Variants in PCDHA11 observed in about 807,000 individuals in gnomAD.
PCDHA11 encodes the protein protocadherin alpha-11.
PCDHA11 carries 61 observed loss-of-function variants against 70.3 expected under a neutral mutation model. That is an observed-to-expected ratio of 0.87 (90% confidence interval 0.71 to 1.07). The LOEUF is 1.07. PCDHA11 is among the 50% of genes least tolerant of loss of function. The pLI, the probability that PCDHA11 is intolerant of heterozygous loss-of-function variation, is 0.00. For synonymous variants in PCDHA11, 633 were observed against 555.1 expected (o/e 1.14, Z -1.97); for missense variants, 1,324 against 1,237.5 (o/e 1.07, Z -1.05).
intron 1 of PCDHA11, chr5:140,968,520 C>A: frequency 6.2e-7 from 1 of 1,614,194 alleles, no homozygotes; most frequent in Non-Finnish European, 8.5e-7. Flanking sequence ...CCTACCTCAA[C>A]CAACTCGTCA....
At chr5:140,966,679 G>A (rs1554228549) in intron 1 of PCDHA11, 1 of 1,317,562 alleles carries the variant, frequency 7.6e-7, no homozygotes, top group Non-Finnish European at 9.8e-7. Flanking sequence ...AGGGTGGCAC[G>A]AGCGGAGGCG....
intron 1 of PCDHA11, among the ~76,000 whole-genome samples, chr5:140,954,686 G>T (rs962904413): frequency 6.6e-6 from 1 of 152,024 alleles, no homozygotes; most frequent in African/African-American, 2.4e-5. Context: ...TTGTCAGATG[G>T]ATAGACTACA....
chr5:141,001,867 A>C (rs2153971805), intron 3 of PCDHA11, among the ~76,000 whole-genome samples: 1 of 152,348 alleles, frequency 6.6e-6, no homozygotes, highest in Admixed American at 6.5e-5. Context: ...ATTGATGCCC[A>C]AAACCAAGAA....
intron 1 of PCDHA11, among the ~76,000 whole-genome samples, chr5:140,917,503 T>G (rs1423295268): frequency 6.6e-6 from 1 of 152,208 alleles, no homozygotes; most frequent in African/African-American, 2.4e-5. Flanking sequence ...AGAATGATAT[T>G]TTCTAGGTTT....
intron 1 of PCDHA11, chr5:140,927,385 C>G: frequency 6.2e-7 from 1 of 1,614,098 alleles, no homozygotes; most frequent in East Asian, 2.2e-5. Flanking sequence ...CAGCCTAAGC[C>G]CCAGTCAGCA....
At chr5:140,877,080 C>T in intron 1 of PCDHA11, 2 of 1,613,062 alleles carry the variant, frequency 1.2e-6, no homozygotes, top group East Asian at 2.2e-5. Context: ...TCCAGGTGAG[C>T]GCGCGCGACG....
chr5:140,964,785 C>G (rs890090665), intron 1 of PCDHA11, among the ~76,000 whole-genome samples: 40 of 151,526 alleles, frequency 2.6e-4, no homozygotes, highest in African/African-American at 9.7e-4. Context: ...GAGGAAGAAG[C>G]CAGAGACCCA....
At position 140,993,462 on chromosome 5, in the gene PCDHA11, TCACACACACACACACACACA is replaced by T. The variant is rs3836747; in HGVS notation, c.2539+10927_2539+10946del. ...CATTCCTGTTCTCCTTCTTTCTTTC[TCACACACACACACACACACA>T]CACACACACACACACACACACACAC... On this transcript the variant is annotated intron_variant, in intron 3 of 3. Coordinates refer to ENST00000398640, the MANE Select transcript of PCDHA11 (RefSeq NM_018902.5). Among the ~76,000 whole-genome samples the T allele has an allele frequency of 7.1e-5, 10 of 141,044 alleles. No individual in the cohort carries two copies. In the South Asian group the frequency reaches 9.5e-4, roughly 13 times the overall value. The allele number at this position is 141,044 out of a possible 152,430, so 92.5% of individuals were successfully genotyped here.
chr5:140,876,155 T>C lies in PCDHA11; in HGVS notation c.2391+4661T>C, dbSNP rs1554168308. Reference sequence around the variant, plus strand: ...CCAGAACTAACAGGGTCTGTCCAGATTCAAATAACCGTCCTGGATGTGAAT... The same window carrying C: ...CCAGAACTAACAGGGTCTGTCCAGACTCAAATAACCGTCCTGGATGTGAAT... On this transcript the variant is annotated intron_variant, in intron 1 of 3. Coordinates refer to ENST00000398640, the MANE Select transcript of PCDHA11 (RefSeq NM_018902.5). 3 of 1,613,994 alleles carry C rather than the reference T, an allele frequency of 1.9e-6. No homozygotes were observed. Among genetic ancestry groups the C allele is most frequent in the Admixed American group, 3.3e-5 (2 of 60,026 alleles).
intron 1 of PCDHA11, chr5:140,884,589 C>G: frequency 1.9e-6 from 3 of 1,614,146 alleles, no homozygotes; most frequent in Admixed American, 3.3e-5. Context: ...GCCTTCAGTC[C>G]CAGCCTTCCT....
At chr5:140,889,724 T>C (rs1198530950) in intron 1 of PCDHA11, among the ~76,000 whole-genome samples, 6 of 152,216 alleles carry the variant, frequency 3.9e-5, no homozygotes, top group African/African-American at 1.4e-4. Context: ...TGCTACTGTC[T>C]CACTGAGTAG....
At chr5:140,882,105 A>G in intron 1 of PCDHA11, 1 of 1,349,526 alleles carries the variant, frequency 7.4e-7, no homozygotes, top group Admixed American at 2.5e-5. Flanking sequence ...GTTTCCGCGA[A>G]GAAAGCCGCC....
At chr5:140,937,162 C>A (rs2091378704) in intron 1 of PCDHA11, among the ~76,000 whole-genome samples, 1 of 151,684 alleles carries the variant, frequency 6.6e-6, no homozygotes, top group Non-Finnish European at 1.5e-5. Flanking sequence ...CTCAGCCTCC[C>A]GAGTAGCTGG....
chr5:140,888,753 A>G (rs1237459726), intron 1 of PCDHA11, among the ~76,000 whole-genome samples: 1 of 149,022 alleles, frequency 6.7e-6, no homozygotes, highest in Non-Finnish European at 1.5e-5. Flanking sequence ...TATTCTACCC[A>G]CTTTTTTTTT....
intron 1 of PCDHA11, chr5:140,968,853 A>G (rs782470050): frequency 3.7e-6 from 6 of 1,614,108 alleles, no homozygotes; most frequent in Non-Finnish European, 4.2e-6. Context: ...AGGCATGTTA[A>G]GAGCCCTCGG....
At chr5:141,009,169 C>T (rs782079623) in intron 3 of PCDHA11, among the ~76,000 whole-genome samples, 13 of 152,186 alleles carry the variant, frequency 8.5e-5, no homozygotes, top group Non-Finnish European at 1.3e-4. Flanking sequence ...TAAATACTGG[C>T]CTTGGCTGGG....
At chr5:140,927,748 G>T (rs782605586) in intron 1 of PCDHA11, 3 of 1,614,206 alleles carry the variant, frequency 1.9e-6, no homozygotes, top group Admixed American at 1.7e-5. Flanking sequence ...CCGCTTTCAC[G>T]TGCACCCTAA....
intron 1 of PCDHA11, among the ~76,000 whole-genome samples, chr5:140,941,369 T>C (rs2093052615): frequency 6.8e-6 from 1 of 147,356 alleles, no homozygotes; most frequent in Non-Finnish European, 1.5e-5. Context: ...TAGGCTGGAG[T>C]GTAGTGACAG....
At chr5:140,942,927 A>T (rs914550511) in intron 1 of PCDHA11, among the ~76,000 whole-genome samples, 2 of 152,104 alleles carry the variant, frequency 1.3e-5, no homozygotes, top group Non-Finnish European at 2.9e-5. Flanking sequence ...AAAAAAATTG[A>T]AAAAGAGTTT....
Sources: allele counts gnomAD v4.1 joint callset (sites outside exome capture counted in the v4.1 genomes callset), GRCh38; gene constraint gnomAD v4.1.1; transcripts MANE v1.5; gene names NCBI Gene and HGNC (gene_info 2026-07-23, HGNC 2026-07-21).